CCDC85A: variants seen among roughly 807,000 people sequenced by gnomAD.
CCDC85A encodes the protein coiled-coil domain-containing protein 85A.
In CCDC85A, 38 loss-of-function variants were observed where a neutral mutation model predicts 50.2. The observed-to-expected ratio is 0.76, with a 90% CI of 0.58 to 0.99. CCDC85A has a LOEUF of 0.99. Ranked by LOEUF, CCDC85A falls within the 50% of genes least tolerant of loss-of-function variation. The pLI is 0.00. For synonymous variants in CCDC85A, 366 were observed against 301.4 expected (o/e 1.21, Z -2.22); for missense variants, 820 against 742.0 (o/e 1.11, Z -1.22).
At chr2:56,186,278 G>A (rs1676042981) in intron 1 of CCDC85A, among the ~76,000 whole-genome samples, 1 of 152,210 alleles carries the variant, frequency 6.6e-6, no homozygotes, top group South Asian at 2.1e-4. Context: ...AGGCAGGCTA[G>A]TGTAGTAGGA....
At chr2:56,256,230 T>C (rs1475465797) in intron 2 of CCDC85A, among the ~76,000 whole-genome samples, 1 of 152,232 alleles carries the variant, frequency 6.6e-6, no homozygotes, top group Admixed American at 6.5e-5. Flanking sequence ...TTTCTGGAAT[T>C]GTGCATTGGC....
At chr2:56,185,182 C>T (rs1328790863) in intron 1 of CCDC85A, among the ~76,000 whole-genome samples, 1 of 152,202 alleles carries the variant, frequency 6.6e-6, no homozygotes, top group Non-Finnish European at 1.5e-5. Context: ...GGCACGCGAA[C>T]CTTTCATTTC....
intron 2 of CCDC85A, among the ~76,000 whole-genome samples, chr2:56,225,453 C>T (rs983916864): frequency 1.3e-5 from 2 of 151,990 alleles, no homozygotes; most frequent in African/African-American, 4.8e-5. Context: ...CCATAAATGT[C>T]GGGGTTTATT....
chr2:56,236,201 C>A (rs143947573), intron 2 of CCDC85A, among the ~76,000 whole-genome samples: 504 of 152,240 alleles, frequency 3.3e-3, no homozygotes, highest in Non-Finnish European at 5.9e-3. Flanking sequence ...GGAAAGGCCC[C>A]TATGCAGTAC....
At chr2:56,313,625 A>T (rs72803036) in intron 2 of CCDC85A, among the ~76,000 whole-genome samples, 3,731 of 152,270 alleles carry the variant, frequency 0.025, 75 homozygotes, top group Non-Finnish European at 0.041. Context: ...TACTGCTCTA[A>T]TAAATCATCT....
intron 2 of CCDC85A, among the ~76,000 whole-genome samples, chr2:56,328,699 G>A (rs952863242): frequency 2.6e-5 from 4 of 152,086 alleles, no homozygotes; most frequent in Admixed American, 1.3e-4. Context: ...AAAATATAGC[G>A]ATGATCTTTG....
intron 5 of CCDC85A, among the ~76,000 whole-genome samples, chr2:56,382,257 A>T (rs1237471311): frequency 6.6e-6 from 1 of 152,040 alleles, no homozygotes; most frequent in Non-Finnish European, 1.5e-5. Context: ...ATATGCCTTT[A>T]TAATAATGTC....
chr2:56,269,309 G>A (rs1217378509), intron 2 of CCDC85A, among the ~76,000 whole-genome samples: 2 of 148,270 alleles, frequency 1.3e-5, no homozygotes, highest in Admixed American at 6.8e-5. Flanking sequence ...AAATGCCCAT[G>A]CACACTACCA....
At chr2:56,223,750 A>G (rs1196458076) in intron 2 of CCDC85A, among the ~76,000 whole-genome samples, 1 of 152,120 alleles carries the variant, frequency 6.6e-6, no homozygotes, top group African/African-American at 2.4e-5. Flanking sequence ...TATTCTGACC[A>G]TCAATGTTTT....
chr2:56,367,763 G>A (rs1194051765), intron 3 of CCDC85A, among the ~76,000 whole-genome samples: 2 of 152,138 alleles, frequency 1.3e-5, no homozygotes, highest in Non-Finnish European at 2.9e-5. Flanking sequence ...AAATTGACAA[G>A]TTATAAAATA....
intron 2 of CCDC85A, among the ~76,000 whole-genome samples, chr2:56,244,862 C>T (rs1382666441): frequency 6.6e-6 from 1 of 151,988 alleles, no homozygotes; most frequent in Non-Finnish European, 1.5e-5. Flanking sequence ...GAAATGTTAT[C>T]TGAAAGCTAG....
At chr2:56,333,170 A>G (rs1242866983) in intron 2 of CCDC85A, among the ~76,000 whole-genome samples, 2 of 152,212 alleles carry the variant, frequency 1.3e-5, no homozygotes, top group African/African-American at 4.8e-5. Context: ...TGGTACAGTA[A>G]TACAGCAGGA....
chr2:56,348,224 T>G (rs957667511), intron 3 of CCDC85A, among the ~76,000 whole-genome samples: 2 of 152,164 alleles, frequency 1.3e-5, no homozygotes, highest in Non-Finnish European at 2.9e-5. Flanking sequence ...CACATCTGCT[T>G]GGAAAGCAGT....
In CCDC85A at chr2:56,300,765, T is replaced by G. The variant is rs574914502; in HGVS notation, c.1241-42114T>G. Among the ~76,000 whole-genome samples, 17 of 152,330 alleles carry G rather than the reference T, an allele frequency of 1.1e-4. No individual in the cohort carries two copies. In the East Asian group the frequency reaches 3.3e-3, roughly 29 times the overall value. On this transcript the variant is annotated intron_variant, in intron 2 of 5. Transcript: ENST00000407595. Reference sequence around the variant, plus strand: ...TAAAAACAGGTAGCAGTCTTGGGCATGACAGCCAGTATGAAAGACTGGCCC... The same window carrying G: ...TAAAAACAGGTAGCAGTCTTGGGCAGGACAGCCAGTATGAAAGACTGGCCC...
At chr2:56,346,456 G>C (rs1031763612) in intron 3 of CCDC85A, among the ~76,000 whole-genome samples, 1 of 152,182 alleles carries the variant, frequency 6.6e-6, no homozygotes, top group African/African-American at 2.4e-5. Context: ...TTTATCCAGT[G>C]GTGAAGAGGA....
intron 4 of CCDC85A, 135 bp downstream of exon 4, chr2:56,372,613 G>C: frequency 9.5e-7 from 1 of 1,053,844 alleles, no homozygotes; most frequent in East Asian, 3.1e-5. Flanking sequence ...CTAAGTCTGG[G>C]GAGGGAGGAT....
At chr2:56,193,483 CAG>C in intron 2 of CCDC85A, 43 bp downstream of exon 2, 1 of 1,530,326 alleles carries the variant, frequency 6.5e-7, no homozygotes, top group Non-Finnish European at 8.8e-7. Flanking sequence ...CTGGGGAACT[CAG>C]TAGAGAGTTA....
chr2:56,359,149 T>A (rs1330383472), intron 3 of CCDC85A, among the ~76,000 whole-genome samples: 1 of 152,176 alleles, frequency 6.6e-6, no homozygotes, highest in Non-Finnish European at 1.5e-5. Context: ...TTGCTACTTA[T>A]TTTTGCATTA....
chr2:56,287,266 C>T (rs749096747), intron 2 of CCDC85A, among the ~76,000 whole-genome samples: 27 of 152,158 alleles, frequency 1.8e-4, no homozygotes, highest in Non-Finnish European at 3.2e-4. Context: ...TGTCTTATTT[C>T]CAGTACTCTG....
Sources: gnomAD v4.1 joint callset for allele counts (sites outside exome capture counted in the v4.1 genomes callset) on GRCh38, gnomAD v4.1.1 for gene constraint, MANE v1.5 for transcripts, NCBI Gene and HGNC (gene_info 2026-07-23, HGNC 2026-07-21) for gene names.